Variants in MGMT observed in about 807,000 individuals in gnomAD.
The protein encoded by MGMT is O-6-methylguanine-DNA methyltransferase.
Under a neutral mutation model 15.9 loss-of-function variants are expected in MGMT, and 14 were observed. The observed-to-expected ratio is 0.88, with a 90% CI of 0.58 to 1.37. The LOEUF (loss-of-function observed/expected upper bound fraction) is 1.37, where lower values mean the gene tolerates loss of function less well. MGMT is among the 40% of genes most tolerant of loss of function. The pLI is 0.00. For synonymous variants in MGMT, 130 were observed against 118.2 expected, an observed-to-expected ratio of 1.10 and a Z score of -0.65; for missense variants, 282 against 268.1, an observed-to-expected ratio of 1.05 and a Z score of -0.36.
intron 2 of MGMT, among the ~76,000 whole-genome samples, chr10:129,591,168 A>C (rs1160519341): frequency 1.3e-5 from 2 of 152,232 alleles, no homozygotes; most frequent in African/African-American, 4.8e-5. Context: ...GAGACTGGCC[A>C]GAACTGGGAC....
At position 129,676,900 on chromosome 10, in the gene MGMT, G is replaced by GA. The variant is rs1177904047; in HGVS notation, c.126-30986dup. On this transcript the variant is annotated intron_variant, in intron 2 of 4. Transcript: ENST00000651593. ...GCATTATGAGTGTATTTTTCTTTTGGAAAAAAAAACATTGAAAAAGCAGAG... is the reference window on the plus strand; with the variant it reads ...GCATTATGAGTGTATTTTTCTTTTGGAAAAAAAAAACATTGAAAAAGCAGAG... Among the ~76,000 whole-genome samples, 238 of 150,524 alleles carry GA rather than the reference G, an allele frequency of 1.6e-3. 2 individuals are homozygous for GA. The highest frequency in any genetic ancestry group is 4.7e-3 in the African/African-American group (195 of 41,076).
rs1025828549 is a variant in MGMT at position 129,522,795 on chromosome 10, G to A, written c.-12-13446G>A. Among the ~76,000 whole-genome samples the A allele has an allele frequency of 5.3e-4, 81 of 152,224 alleles. 1 individual carries two copies. Among genetic ancestry groups the A allele is most frequent in the East Asian group, 3.9e-4 (2 of 5,186 alleles). On this transcript the variant is annotated intron_variant, in intron 1 of 4. Coordinates refer to ENST00000651593, the MANE Select transcript of MGMT (RefSeq NM_002412.5). Reference sequence around the variant, plus strand: ...GAACTTCCCCTCAGCCAGTGGACGAGACTGTCCAGGCTGCTCCACAGTGGC... The same window carrying A: ...GAACTTCCCCTCAGCCAGTGGACGAAACTGTCCAGGCTGCTCCACAGTGGC...
intron 2 of MGMT, among the ~76,000 whole-genome samples, chr10:129,565,299 A>AG (rs1846341806): frequency 6.6e-6 from 1 of 152,152 alleles, no homozygotes; most frequent in African/African-American, 2.4e-5. Flanking sequence ...CAGTAAAAAA[A>AG]AAAAAAATAG....
rs538483362 is a variant in MGMT at position 129,753,301 on chromosome 10, A to T, written c.275-5901A>T. 3.3e-5 allele frequency among the ~76,000 whole-genome samples: 5 copies of T among 152,248 alleles called. No individual in the cohort carries two copies. In the East Asian group the frequency reaches 9.6e-4, roughly 29 times the overall value. Reference sequence around the variant, plus strand: ...TTGATCATGATTTATCTGGGAATGGATTTCTTTGAATGTGTCCTGTTTGCA... The same window carrying T: ...TTGATCATGATTTATCTGGGAATGGTTTTCTTTGAATGTGTCCTGTTTGCA... On this transcript the variant is annotated intron_variant, in intron 3 of 4. Coordinates refer to ENST00000651593, the MANE Select transcript of MGMT (RefSeq NM_002412.5).
chr10:129,527,801 C>T (rs1033305073), intron 1 of MGMT, among the ~76,000 whole-genome samples: 3 of 152,118 alleles, frequency 2.0e-5, no homozygotes, highest in Non-Finnish European at 4.4e-5. Context: ...GCTCCAGGAG[C>T]TGCTGAGGCA....
At chr10:129,512,424 G>T (rs927328868) in intron 1 of MGMT, among the ~76,000 whole-genome samples, 11 of 152,068 alleles carry the variant, frequency 7.2e-5, no homozygotes, top group Non-Finnish European at 1.5e-4. Context: ...ACCACCTGAG[G>T]CGTGTTCAAC....
chr10:129,768,247 T>A lies in MGMT; in HGVS notation c.*1250T>A, dbSNP rs754801470. On this transcript the variant is annotated 3_prime_UTR_variant, in exon 5 of 5. Coordinates refer to ENST00000651593, the MANE Select transcript of MGMT (RefSeq NM_002412.5). ...ACGAAAGAAAACCGATTTCAGACGT[T>A]TTTCGCTGATTTATGATTTATTATA... Among the ~76,000 whole-genome samples, 17 of 152,244 alleles carry A rather than the reference T, an allele frequency of 1.1e-4. No individual in the cohort carries two copies. The highest frequency in any genetic ancestry group is 2.2e-4 in the Non-Finnish European group (15 of 68,042).
At chr10:129,747,233 A>G (rs2133176799) in intron 3 of MGMT, among the ~76,000 whole-genome samples, 1 of 152,286 alleles carries the variant, frequency 6.6e-6, no homozygotes, top group East Asian at 1.9e-4. Flanking sequence ...GTCTGCAAAT[A>G]GGGAGAGTTT....
chr10:129,657,711 ACACACACACACACACACC>A (rs1564750882), intron 2 of MGMT, among the ~76,000 whole-genome samples: 21 of 144,724 alleles, frequency 1.5e-4, no homozygotes, highest in South Asian at 2.2e-4. Context: ...ACACACGCAC[ACACACACACACACACACC>A]CCCTCTCCCC....
intron 2 of MGMT, among the ~76,000 whole-genome samples, chr10:129,585,997 C>G (rs969345696): frequency 6.6e-6 from 1 of 152,098 alleles, no homozygotes; most frequent in Non-Finnish European, 1.5e-5. Flanking sequence ...TAGATGGCTA[C>G]TAAGCGACAG....
chr10:129,703,714 C>T lies in MGMT; in HGVS notation c.126-4181C>T, dbSNP rs189695313. ...GCTTCGGAGCCCAAATCCTGCAGCC[C>T]CAGGTGCCACCACGGACGCCAGCTC... is the stretch of plus-strand genomic sequence containing the variant. On this transcript the variant is annotated intron_variant, in intron 2 of 4. Transcript: ENST00000651593. 3.4e-4 allele frequency among the ~76,000 whole-genome samples: 52 copies of T among 152,254 alleles called. No homozygotes were observed. The East Asian group carries it at 8.7e-3, about 26-fold the overall frequency.
intron 1 of MGMT, among the ~76,000 whole-genome samples, chr10:129,515,443 GGTCCTGTCTCATTACTTGATAGCACGT>G (rs779099765): frequency 1.3e-3 from 199 of 152,260 alleles, no homozygotes; most frequent in Admixed American, 2.1e-3. Context: ...TTGGGGTGAG[GGTCCTGTCTCATTACTTGATAGCACGT>G]GTCCTGTCTC....
intron 2 of MGMT, among the ~76,000 whole-genome samples, chr10:129,583,478 C>T (rs1846580900): frequency 6.6e-6 from 1 of 152,174 alleles, no homozygotes; most frequent in African/African-American, 2.4e-5. Flanking sequence ...TGGTGTGTTG[C>T]TTTTGTAGTT....
At chr10:129,681,377 G>GT (rs1847850768) in intron 2 of MGMT, among the ~76,000 whole-genome samples, 1 of 152,188 alleles carries the variant, frequency 6.6e-6, no homozygotes. Flanking sequence ...CATGCTTCCT[G>GT]TGGGGACGCC....
intron 2 of MGMT, among the ~76,000 whole-genome samples, chr10:129,576,938 G>A (rs1176225307): frequency 3.3e-5 from 5 of 152,174 alleles, no homozygotes; most frequent in Admixed American, 6.5e-5. Flanking sequence ...ATTCACAGTT[G>A]CTTCAAAGAG....
chr10:129,700,289 C>G (rs1257896895), intron 2 of MGMT: 1 of 152,190 alleles, frequency 6.6e-6, no homozygotes, highest in Non-Finnish European at 1.5e-5. Flanking sequence ...CTAACATCAG[C>G]ACTTTTAATT....
At chr10:129,475,256 C>T (rs1008208358) in intron 1 of MGMT, among the ~76,000 whole-genome samples, 8 of 151,998 alleles carry the variant, frequency 5.3e-5, no homozygotes, top group African/African-American at 1.9e-4. Flanking sequence ...CCTGGATTCA[C>T]TCTAGGAGTG....
At chr10:129,754,830 C>T (rs897987481) in intron 3 of MGMT, among the ~76,000 whole-genome samples, 1 of 152,234 alleles carries the variant, frequency 6.6e-6, no homozygotes, top group Non-Finnish European at 1.5e-5. Flanking sequence ...ATGACCTAAT[C>T]ACATCTTAAC....
At chr10:129,735,591 G>T (rs566656842) in intron 3 of MGMT, among the ~76,000 whole-genome samples, 1 of 145,192 alleles carries the variant, frequency 6.9e-6, no homozygotes, top group African/African-American at 2.6e-5. Flanking sequence ...GTTATTTCTT[G>T]CCTTCTGCTA....
Sources: allele counts gnomAD v4.1 joint callset (sites outside exome capture counted in the v4.1 genomes callset), GRCh38; gene constraint gnomAD v4.1.1; transcripts MANE v1.5; gene names NCBI Gene and HGNC (gene_info 2026-07-23, HGNC 2026-07-21).